The following FLVCR1 variants were observed in gnomAD, a reference collection of about 807,000 sequenced individuals.
FLVCR1 encodes the protein FLVCR choline and heme transporter 1, also known as choline/ethanolamine transporter FLVCR1.
FLVCR1 carries 34 observed loss-of-function variants against 53.6 expected under a neutral mutation model. The ratio of observed to expected loss-of-function variants is 0.63; its 90% confidence interval spans 0.48 to 0.84. FLVCR1 has a LOEUF of 0.84. Ranked by LOEUF, FLVCR1 falls within the 40% of genes least tolerant of loss-of-function variation. The pLI, the probability that FLVCR1 is intolerant of heterozygous loss-of-function variation, is 0.00. For missense variants in FLVCR1, 677 were observed against 696.7 expected (o/e 0.97, Z 0.32); for synonymous variants, 300 against 286.3 (o/e 1.05, Z -0.48).
chr1:212,887,318 C>T (rs1233933351), intron 5 of FLVCR1, among the ~76,000 whole-genome samples: 1 of 152,202 alleles, frequency 6.6e-6, no homozygotes, highest in African/African-American at 2.4e-5. Flanking sequence ...GCCACTGTGG[C>T]TTCCTTCTCA....
chr1:212,869,708 G>A (rs1027707930), intron 2 of FLVCR1, among the ~76,000 whole-genome samples: 1 of 152,156 alleles, frequency 6.6e-6, no homozygotes, highest in Non-Finnish European at 1.5e-5. Flanking sequence ...GCTAATTTTT[G>A]TGTTTTTAGT....
Position 212,889,256 on chromosome 1 carries a change from A to C in FLVCR1, c.1524A>C (p.Thr508=). 6.3e-7 allele frequency: 1 copy of C among 1,589,772 alleles called. No homozygotes were observed. Among genetic ancestry groups the C allele is most frequent in the Non-Finnish European group, 8.6e-7 (1 of 1,157,862 alleles). ...CVWMFIGIIL[T]ALIKSDLRRH... ...GGATGTTTATAGGCATCATATTAACAGGTAAATTAGGGCGTTTGCCTGGCA... is the reference window on the plus strand; with the variant it reads ...GGATGTTTATAGGCATCATATTAACCGGTAAATTAGGGCGTTTGCCTGGCA... Residue 508 remains threonine, a splice_region_variant and synonymous_variant, in exon 8 of 10, where the codon ACA becomes ACC. Coordinates refer to ENST00000366971, the MANE Select transcript of FLVCR1 (RefSeq NM_014053.4).
chr1:212,867,791 G>A (rs1188115062), intron 2 of FLVCR1, among the ~76,000 whole-genome samples: 1 of 145,496 alleles, frequency 6.9e-6, no homozygotes, highest in Non-Finnish European at 1.5e-5. Context: ...CATATAATGT[G>A]TGCATAATTT....
intron 2 of FLVCR1, among the ~76,000 whole-genome samples, chr1:212,865,772 A>C (rs2102539840): frequency 6.7e-6 from 1 of 150,322 alleles, no homozygotes; most frequent in East Asian, 2.0e-4. Context: ...ATGAGCCACC[A>C]GGCCCGGCCA....
chr1:212,862,551 C>T (rs1267114468), intron 1 of FLVCR1, among the ~76,000 whole-genome samples: 1 of 152,132 alleles, frequency 6.6e-6, no homozygotes, highest in Non-Finnish European at 1.5e-5. Context: ...TATGAATATA[C>T]CACATTTTGT....
intron 1 of FLVCR1, among the ~76,000 whole-genome samples, chr1:212,861,916 C>G (rs1229687574): frequency 6.6e-6 from 1 of 152,106 alleles, no homozygotes; most frequent in Non-Finnish European, 1.5e-5. Context: ...GTGATCCCCC[C>G]ACCTCGGCCT....
chr1:212,866,704 A>G (rs940291320), intron 2 of FLVCR1, among the ~76,000 whole-genome samples: 3 of 152,188 alleles, frequency 2.0e-5, no homozygotes, highest in Non-Finnish European at 4.4e-5. Flanking sequence ...AGATCTGATT[A>G]TGTACTTAAC....
intron 8 of FLVCR1, among the ~76,000 whole-genome samples, chr1:212,889,838 G>A (rs1334172507): frequency 6.6e-6 from 1 of 151,876 alleles, no homozygotes; most frequent in Non-Finnish European, 1.5e-5. Flanking sequence ...CTCAGTGGGA[G>A]TGTGACTTTA....
chr1:212,860,509 C>T (rs1343948498), intron 1 of FLVCR1, among the ~76,000 whole-genome samples: 1 of 151,656 alleles, frequency 6.6e-6, no homozygotes, highest in Non-Finnish European at 1.5e-5. Context: ...TTCTTTGTCA[C>T]ACATCTCTCA....
At chr1:212,889,455 A>G (rs2047291) in intron 8 of FLVCR1, among the ~76,000 whole-genome samples, 198 bp downstream of exon 8, 3,294 of 152,320 alleles carry the variant, frequency 0.022, 57 homozygotes, top group Middle Eastern at 0.034. Flanking sequence ...TCTGCATAGC[A>G]AGCAAAACTG....
At chr1:212,877,710 CAGA>C (rs1258091787) in intron 3 of FLVCR1, among the ~76,000 whole-genome samples, 1 of 105,860 alleles carries the variant, frequency 9.4e-6, no homozygotes, top group Non-Finnish European at 2.0e-5. Context: ...TTTTGCTGTG[CAGA>C]AGCTCTTTAG....
At chr1:212,883,011 G>C (rs547146675) in intron 3 of FLVCR1, among the ~76,000 whole-genome samples, 23 of 152,334 alleles carry the variant, frequency 1.5e-4, no homozygotes, top group East Asian at 1.2e-3. Context: ...TTTGTTGGCT[G>C]TAGTAGTACA....
chr1:212,886,660 TGTG>T (rs1420993633), intron 5 of FLVCR1, among the ~76,000 whole-genome samples: 5 of 151,852 alleles, frequency 3.3e-5, no homozygotes, highest in South Asian at 4.2e-4. Context: ...AATAGTCAAG[TGTG>T]GTGGTGGGCA....
At chr1:212,864,804 A>G (rs1664358454) in intron 2 of FLVCR1, among the ~76,000 whole-genome samples, 1 of 152,240 alleles carries the variant, frequency 6.6e-6, no homozygotes, top group African/African-American at 2.4e-5. Context: ...CTCCAGATAT[A>G]AAATTCTTAG....
intron 8 of FLVCR1, among the ~76,000 whole-genome samples, chr1:212,891,653 T>C (rs1015538137): frequency 2.0e-5 from 3 of 152,118 alleles, no homozygotes; most frequent in Non-Finnish European, 4.4e-5. Context: ...AATATTGAAA[T>C]CAGGGCCCTG....
Position 212,874,526 on chromosome 1 carries a change from CTTTTT to C in FLVCR1, c.1024+1724_1024+1728del, listed in dbSNP as rs61497441. Among the ~76,000 whole-genome samples, 216 of 120,864 alleles carry C rather than the reference CTTTTT, an allele frequency of 1.8e-3. 9 individuals carry two copies. The highest frequency in any genetic ancestry group is 4.3e-3 in the Middle Eastern group (1 of 230). 79.3% of individuals were successfully genotyped at this position (120,864 alleles called of 152,430 possible). On this transcript the variant is annotated intron_variant, in intron 3 of 9. Transcript: ENST00000366971. ...GCCTGTCATTTAATTTTCTTTTTTTCTTTTTTTTTTTTTTTTTTTTGAGATGGAGT... is the reference window on the plus strand; with the variant it reads ...GCCTGTCATTTAATTTTCTTTTTTTCTTTTTTTTTTTTTTTGAGATGGAGT...
At chr1:212,878,140 A>G (rs1300662920) in intron 3 of FLVCR1, among the ~76,000 whole-genome samples, 1 of 152,160 alleles carries the variant, frequency 6.6e-6, no homozygotes, top group Non-Finnish European at 1.5e-5. Context: ...CGTATGTCCT[A>G]CAAAGCTAAC....
intron 3 of FLVCR1, among the ~76,000 whole-genome samples, chr1:212,875,342 A>G (rs1351624139): frequency 6.6e-6 from 1 of 152,218 alleles, no homozygotes; most frequent in African/African-American, 2.4e-5. Context: ...GAGGCCTATC[A>G]TTGAGAAAGG....
rs1433137976 is a variant in FLVCR1, at chr1:212,894,985, G to T, written c.1526-1G>T. 1 of 1,598,844 alleles carries T rather than the reference G, an allele frequency of 6.3e-7. No homozygotes were observed. The highest frequency in any genetic ancestry group is 8.6e-7 in the Non-Finnish European group (1 of 1,166,284). On this transcript the variant is annotated splice_acceptor_variant, in intron 8 of 9. Transcript: ENST00000366971. LOFTEE classifies it high-confidence loss of function. ...AGTAACTTGATGCCCCTCTGTTTCA[G>T]CATTAATCAAGTCTGATCTGCGAAG... is the stretch of plus-strand genomic sequence containing the variant.
Sources: gnomAD v4.1 joint callset for allele counts (sites outside exome capture counted in the v4.1 genomes callset) on GRCh38, gnomAD v4.1.1 for gene constraint, MANE v1.5 for transcripts, NCBI Gene and HGNC (gene_info 2026-07-23, HGNC 2026-07-21) for gene names.